GYPC: variants seen among roughly 807,000 people sequenced by gnomAD.
The protein encoded by GYPC is glycophorin C (Gerbich blood group).
GYPC carries 14 observed loss-of-function variants against 12.6 expected under a neutral mutation model. The observed-to-expected ratio is 1.11, with a 90% CI of 0.74 to 1.74. The LOEUF (loss-of-function observed/expected upper bound fraction) is 1.74. GYPC is among the 40% of genes most tolerant of loss of function. The pLI is 0.00. For synonymous variants in GYPC, 78 were observed against 62.1 expected, an observed-to-expected ratio of 1.26 and a Z score of -1.20; for missense variants, 225 against 172.1, an observed-to-expected ratio of 1.31 and a Z score of -1.72.
At chr2:126,674,446 G>C (rs1483050883) in intron 1 of GYPC, among the ~76,000 whole-genome samples, 1 of 70,830 alleles carries the variant, frequency 1.4e-5, no homozygotes, top group Non-Finnish European at 3.1e-5. Flanking sequence ...GGACCTGATG[G>C]GAAACAAGTG....
intron 1 of GYPC, chr2:126,686,297 A>C (rs1348966765): frequency 1.0e-6 from 1 of 985,548 alleles, no homozygotes; most frequent in Admixed American, 6.1e-5. Context: ...CAACAGCTGC[A>C]CTCAAGCTGC....
intron 1 of GYPC, among the ~76,000 whole-genome samples, chr2:126,665,334 T>C (rs7597905): frequency 0.14 from 20,590 of 152,216 alleles, 1,847 homozygotes; most frequent in African/African-American, 0.25. Context: ...TTCATTGTTG[T>C]TAATATCTTA....
chr2:126,668,546 C>G lies in GYPC; in HGVS notation c.49+12234C>G, dbSNP rs562741595. 3.9e-5 allele frequency among the ~76,000 whole-genome samples: 6 copies of G among 152,366 alleles called. No individual in the cohort carries two copies. The East Asian group carries it at 1.2e-3, about 29-fold the overall frequency. On this transcript the variant is annotated intron_variant, in intron 1 of 3. Coordinates refer to ENST00000259254, the MANE Select transcript of GYPC (RefSeq NM_002101.5). Reference sequence around the variant, plus strand: ...TATTTGCCTACAGCCAACTACAATGCACACACAGCTGTTTATCACTTTACC... The same window carrying G: ...TATTTGCCTACAGCCAACTACAATGGACACACAGCTGTTTATCACTTTACC...
chr2:126,684,941 C>T (rs1460813980), intron 1 of GYPC, among the ~76,000 whole-genome samples: 2 of 152,170 alleles, frequency 1.3e-5, no homozygotes, highest in African/African-American at 2.4e-5. Flanking sequence ...CCATATTCTC[C>T]TCTCCCCTGT....
intron 1 of GYPC, among the ~76,000 whole-genome samples, chr2:126,679,401 G>T (rs374104913): frequency 6.6e-6 from 1 of 152,134 alleles, no homozygotes; most frequent in Non-Finnish European, 1.5e-5. Flanking sequence ...ACTATTGAGC[G>T]ACTTAGAGAA....
At chr2:126,675,820 A>G (rs2104786796) in intron 1 of GYPC, 1 of 278,350 alleles carries the variant, frequency 3.6e-6, no homozygotes, top group African/African-American at 2.3e-5. Context: ...GACAAGGAAA[A>G]GAAAAAGAGA....
intron 1 of GYPC, among the ~76,000 whole-genome samples, chr2:126,688,038 C>T (rs562691761): frequency 1.1e-4 from 16 of 152,280 alleles, no homozygotes; most frequent in African/African-American, 2.9e-4. Context: ...TTTTCTGGGA[C>T]GCAGCTGCCA....
At chr2:126,689,546 A>C (rs1378947858) in intron 1 of GYPC, among the ~76,000 whole-genome samples, 4 of 150,880 alleles carry the variant, frequency 2.7e-5, no homozygotes, top group Admixed American at 1.3e-4. Context: ...CAGATCCCTC[A>C]TGCATACATT....
chr2:126,693,635 C>G (rs956511119), intron 2 of GYPC, among the ~76,000 whole-genome samples: 6 of 152,110 alleles, frequency 3.9e-5, no homozygotes, highest in African/African-American at 1.4e-4. Context: ...CTGGAGTGAC[C>G]TGGTGGTTCA....
At chr2:126,692,888 T>A (rs986895520) in intron 2 of GYPC, among the ~76,000 whole-genome samples, 39 of 152,266 alleles carry the variant, frequency 2.6e-4, no homozygotes, top group African/African-American at 8.7e-4. Flanking sequence ...TGACCTGATA[T>A]CGGATGAGCT....
At chr2:126,660,546 T>C (rs1682507025) in intron 1 of GYPC, among the ~76,000 whole-genome samples, 1 of 152,162 alleles carries the variant, frequency 6.6e-6, no homozygotes, top group African/African-American at 2.4e-5. Context: ...GACAGATTCC[T>C]GAGTCTGCCT....
intron 1 of GYPC, among the ~76,000 whole-genome samples, chr2:126,671,247 G>A (rs1192601565): frequency 1.3e-5 from 2 of 152,176 alleles, no homozygotes; most frequent in African/African-American, 4.8e-5. Context: ...TACCTCCTCT[G>A]GAAATACAGG....
chr2:126,673,448 T>C (rs2104783728), intron 1 of GYPC, among the ~76,000 whole-genome samples: 1 of 152,324 alleles, frequency 6.6e-6, no homozygotes, highest in Non-Finnish European at 1.5e-5. Flanking sequence ...CCAGTCGAGC[T>C]GCCAGTGTGC....
intron 1 of GYPC, among the ~76,000 whole-genome samples, chr2:126,677,403 G>A (rs1333517159): frequency 6.6e-6 from 1 of 151,508 alleles, no homozygotes; most frequent in African/African-American, 2.4e-5. Context: ...TAGTGTGTTA[G>A]AGTGTGTAAG....
At chr2:126,675,771 T>A in intron 1 of GYPC, 1 of 661,082 alleles carries the variant, frequency 1.5e-6, no homozygotes, top group Non-Finnish European at 1.9e-6. Context: ...AATTTATTAG[T>A]GATATTCACC....
At chr2:126,681,778 CAAAAAAAAA>C (rs55636033) in intron 1 of GYPC, among the ~76,000 whole-genome samples, 1 of 132,346 alleles carries the variant, frequency 7.6e-6, no homozygotes, top group African/African-American at 2.8e-5. Flanking sequence ...AAACTTCATC[CAAAAAAAAA>C]AAAAAAAGAA....
At position 126,686,909 on chromosome 2, in the gene GYPC, G is replaced by A. The variant is rs1415804429; in HGVS notation, c.50-3346G>A. The stretch of plus-strand genomic sequence containing the variant: ...CAGCATGATCCTAATCTCAACCTCA[G>A]AAGTATCCCTCAGCTCCAGCAAGGG... On this transcript the variant is annotated intron_variant, in intron 1 of 3. Coordinates refer to ENST00000259254, the MANE Select transcript of GYPC (RefSeq NM_002101.5). 2.6e-5 allele frequency among the ~76,000 whole-genome samples: 4 copies of A among 152,072 alleles called. No homozygotes were observed. In the East Asian group the frequency reaches 7.7e-4, roughly 29 times the overall value.
At chr2:126,679,288 A>C (rs28387160) in intron 1 of GYPC, among the ~76,000 whole-genome samples, 3,137 of 152,026 alleles carry the variant, frequency 0.021, 110 homozygotes, top group African/African-American at 0.072. Flanking sequence ...TGCCAGCTTC[A>C]CCTCTGTGTC....
chr2:126,664,594 G>A (rs751224283), intron 1 of GYPC, among the ~76,000 whole-genome samples: 2 of 152,218 alleles, frequency 1.3e-5, no homozygotes, highest in Non-Finnish European at 2.9e-5. Context: ...TAGTACATTT[G>A]CCTTTATACC....
Sources: gnomAD v4.1 joint callset for allele counts (sites outside exome capture counted in the v4.1 genomes callset) on GRCh38, gnomAD v4.1.1 for gene constraint, MANE v1.5 for transcripts, NCBI Gene and HGNC (gene_info 2026-07-23, HGNC 2026-07-21) for gene names.